Variants in CACNA1E observed in about 807,000 individuals in gnomAD.
The protein encoded by CACNA1E is voltage-dependent R-type calcium channel subunit alpha-1E.
In CACNA1E, 40 loss-of-function variants were observed where a neutral mutation model predicts 259.2. The observed-to-expected ratio is 0.15, with a 90% CI of 0.12 to 0.20. The LOEUF is 0.20. Among genes scored for constraint, CACNA1E ranks in the 10% least tolerant of loss-of-function variants. The pLI, the probability that CACNA1E is intolerant of heterozygous loss-of-function variation, is 1.00. For synonymous variants in CACNA1E, 1,104 were observed against 1,138.5 expected (o/e 0.97, Z 0.61); for missense variants, 1,874 against 3,040.1 (o/e 0.62, Z 9.02).
chr1:181,591,537 G>A (rs1422747974), intron 6 of CACNA1E, among the ~76,000 whole-genome samples: 1 of 151,818 alleles, frequency 6.6e-6, no homozygotes, highest in Non-Finnish European at 1.5e-5. Flanking sequence ...GAGTGATATT[G>A]AATAAATGTT....
intron 1 of CACNA1E, among the ~76,000 whole-genome samples, chr1:181,365,903 G>A (rs1193212940): frequency 1.3e-5 from 2 of 152,190 alleles, no homozygotes; most frequent in Non-Finnish European, 2.9e-5. Flanking sequence ...AGGAGGATTA[G>A]GGCAGATGTA....
intron 7 of CACNA1E, among the ~76,000 whole-genome samples, chr1:181,671,793 G>A (rs933306107): frequency 6.6e-6 from 1 of 152,208 alleles, no homozygotes; most frequent in Non-Finnish European, 1.5e-5. Context: ...AACTTGTGTG[G>A]AAGGCTTCAT....
In CACNA1E at chr1:181,496,348, G is replaced by A. The variant is rs1664752394; in HGVS notation, c.266+12338G>A. ...AACCTTAACAGACTCACTTGATTTT[G>A]TCTTTGAACAAAAATGGTAGCAAAA... is the stretch of plus-strand genomic sequence containing the variant. On this transcript the variant is annotated intron_variant, in intron 1 of 47. Transcript: ENST00000367573. 4.6e-5 allele frequency among the ~76,000 whole-genome samples: 7 copies of A among 152,168 alleles called. No individual in the cohort carries two copies. In the South Asian group the frequency reaches 1.4e-3, roughly 31 times the overall value.
Position 181,510,592 on chromosome 1 carries a change from TC to T in CACNA1E, c.372+14del, listed in dbSNP as rs1448472568. On this transcript the variant is annotated intron_variant, in intron 2 of 47. Coordinates refer to ENST00000367573, the MANE Select transcript of CACNA1E (RefSeq NM_001205293.3). ...CATGTCCCGAAGACTGGTATGTGATTCCCCTCCTTCTCCCCTTTGCCCCTTT... is the reference window on the plus strand; with the variant it reads ...CATGTCCCGAAGACTGGTATGTGATTCCCTCCTTCTCCCCTTTGCCCCTTT... 3.9e-6 allele frequency: 6 copies of T among 1,531,272 alleles called. No homozygotes were observed. Among genetic ancestry groups the T allele is most frequent in the Non-Finnish European group, 4.5e-6 (5 of 1,104,458 alleles). The allele number at this position is 1,531,272 out of a possible 1,614,324, so 94.9% of individuals were successfully genotyped here.
At chr1:181,745,439 A>C in intron 25 of CACNA1E, 2 of 434,424 alleles carry the variant, frequency 4.6e-6, no homozygotes. Flanking sequence ...CAATCAGGGA[A>C]CACTGCCCCA....
At chr1:181,719,949 C>G (rs1572696052) in intron 13 of CACNA1E, 86 bp downstream of exon 13, 2 of 846,964 alleles carry the variant, frequency 2.4e-6, no homozygotes, top group East Asian at 5.4e-5. Context: ...TCTTCTCTTT[C>G]CCCCTTAGGG....
At chr1:181,763,299 C>T in intron 33 of CACNA1E, 107 bp from the exon 34 acceptor site, 1 of 939,908 alleles carries the variant, frequency 1.1e-6, no homozygotes, top group Non-Finnish European at 1.6e-6. Context: ...AAGACAGAGA[C>T]TGTGTCCCAT....
chr1:181,778,192 T>A (rs1445492146), intron 38 of CACNA1E, among the ~76,000 whole-genome samples: 1 of 152,136 alleles, frequency 6.6e-6, no homozygotes, highest in East Asian at 1.9e-4. Flanking sequence ...TGAGGAAGAC[T>A]AACAAAAGTA....
intron 20 of CACNA1E, 95 bp from the exon 21 acceptor site, chr1:181,733,342 C>T: frequency 8.9e-7 from 1 of 1,127,368 alleles, no homozygotes; most frequent in Non-Finnish European, 1.2e-6. Flanking sequence ...ACCTTCCAGG[C>T]TGCCTGAGCT....
chr1:181,366,732 A>G (rs2101939131), intron 1 of CACNA1E, among the ~76,000 whole-genome samples: 1 of 152,154 alleles, frequency 6.6e-6, no homozygotes, highest in East Asian at 1.9e-4. Flanking sequence ...TCTGAACCTG[A>G]GACCTGCCTC....
chr1:181,628,032 A>G (rs566646767), intron 6 of CACNA1E, among the ~76,000 whole-genome samples: 17 of 152,330 alleles, frequency 1.1e-4, no homozygotes, highest in African/African-American at 3.6e-4. Context: ...AAAGCGAAAA[A>G]AATCACCCAG....
At chr1:181,473,693 T>G (rs1463423694) in intron 2 of CACNA1E, among the ~76,000 whole-genome samples, 1 of 152,244 alleles carries the variant, frequency 6.6e-6, no homozygotes, top group African/African-American at 2.4e-5. Context: ...TCTGGATATA[T>G]TCTTGCCTCT....
intron 2 of CACNA1E, among the ~76,000 whole-genome samples, chr1:181,436,959 C>G (rs1558004100): frequency 6.6e-6 from 1 of 152,214 alleles, no homozygotes; most frequent in East Asian, 1.9e-4. Context: ...GAAAACATCA[C>G]ATTAAACCCC....
intron 3 of CACNA1E, among the ~76,000 whole-genome samples, chr1:181,574,899 C>T (rs1650801091): frequency 6.6e-6 from 1 of 152,078 alleles, no homozygotes; most frequent in Admixed American, 6.5e-5. Flanking sequence ...GTGGCATATG[C>T]CTGTAATCCC....
intron 1 of CACNA1E, among the ~76,000 whole-genome samples, chr1:181,405,476 A>G (rs1657399012): frequency 6.6e-6 from 1 of 152,318 alleles, no homozygotes; most frequent in African/African-American, 2.4e-5. Context: ...AAGGGGTTGT[A>G]GCATTTTGTT....
At position 181,805,376 on chromosome 1, in the gene CACNA1E, G is replaced by T. The variant is rs1662562533; in HGVS notation, c.*6542G>T. ...AAATCTGTTGAACATTTTTATAAGGGATGAGCAAGAAAAACACACTCCAAA... is the reference window on the plus strand; with the variant it reads ...AAATCTGTTGAACATTTTTATAAGGTATGAGCAAGAAAAACACACTCCAAA... On this transcript the variant is annotated 3_prime_UTR_variant, in exon 48 of 48. Transcript: ENST00000367573. 6.6e-6 allele frequency: 1 copy of T among 152,090 alleles called. No homozygotes were observed. The highest frequency in any genetic ancestry group is 2.4e-5 in the African/African-American group (1 of 41,400). The allele number at this position is 152,090 out of a possible 1,614,324, so 9.4% of individuals were successfully genotyped here.
At chr1:181,784,349 G>T (rs972840028) in intron 40 of CACNA1E, among the ~76,000 whole-genome samples, 1 of 152,120 alleles carries the variant, frequency 6.6e-6, no homozygotes. Flanking sequence ...ACGTACTTGC[G>T]GCTATTGTTA....
intron 6 of CACNA1E, among the ~76,000 whole-genome samples, chr1:181,617,397 C>T (rs1392155166): frequency 3.3e-5 from 5 of 151,874 alleles, no homozygotes; most frequent in Non-Finnish European, 5.9e-5. Context: ...ATTGAATGAA[C>T]GAGAGAATGA....
chr1:181,318,039 C>G (rs1043607275), exon 1 of CACNA1E: 2 of 151,996 alleles, frequency 1.3e-5, no homozygotes. Flanking sequence ...ACCCCTTTCC[C>G]CTTTTAAAAT....
Sources: allele counts gnomAD v4.1 joint callset (sites outside exome capture counted in the v4.1 genomes callset), GRCh38; gene constraint gnomAD v4.1.1; transcripts MANE v1.5; gene names NCBI Gene and HGNC (gene_info 2026-07-23, HGNC 2026-07-21).